Variants in PLAGL1 observed in about 807,000 individuals in gnomAD.
PLAGL1 encodes the protein PLAG1 like zinc finger 1, also known as zinc finger protein PLAGL1.
PLAGL1 carries 1 observed loss-of-function variant against 4.6 expected under a neutral mutation model. The ratio of observed to expected loss-of-function variants is 0.22; its 90% CI spans 0.08 to 1.03. The LOEUF is 1.03. Among genes scored for constraint, PLAGL1 ranks in the 50% least tolerant of loss-of-function variants. PLAGL1 has a pLI of 0.58. For missense variants in PLAGL1, 464 were observed against 570.4 expected, an observed-to-expected ratio of 0.81 and a Z score of 1.90; for synonymous variants, 240 against 237.8, an observed-to-expected ratio of 1.01 and a Z score of -0.08.
intron 1 of PLAGL1, among the ~76,000 whole-genome samples, chr6:143,993,372 T>C (rs752739959): frequency 3.1e-5 from 3 of 97,438 alleles, no homozygotes; most frequent in Admixed American, 9.4e-5. Context: ...ACACACACAA[T>C]TGACATGTGT....
chr6:143,984,681 A>C lies in PLAGL1; in HGVS notation c.-544+454T>G, dbSNP rs2128614782. Among the ~76,000 whole-genome samples the C allele has an allele frequency of 6.6e-6, 1 of 152,316 alleles. No homozygotes were observed. The highest frequency in any genetic ancestry group is 2.1e-4 in the South Asian group (1 of 4,828). On this transcript the variant is annotated intron_variant, in intron 2 of 7. Coordinates refer to ENST00000674357, the MANE Select transcript of PLAGL1 (RefSeq NM_001317162.2). This position sits in a 1 kb window ranked among gnomAD's most constrained non-coding sequence, Gnocchi z 5.5. ...CTCCTGCTAAGATGATGAAAAACAA[A>C]ACCATCTCAGAAAATAACTTCTCAA...
chr6:143,976,725 G>A (rs908299241), intron 2 of PLAGL1, among the ~76,000 whole-genome samples: 36 of 152,286 alleles, frequency 2.4e-4, no homozygotes, highest in African/African-American at 8.4e-4. Flanking sequence ...TCTATCCTAA[G>A]AGCCGGGTTC....
chr6:144,044,968 T>G (rs549382007), intron 1 of PLAGL1, among the ~76,000 whole-genome samples: 1 of 151,234 alleles, frequency 6.6e-6, no homozygotes, highest in African/African-American at 2.4e-5. Context: ...GTTTAAAGTC[T>G]GTTTTATCAG....
chr6:144,042,831 G>T (rs1469082168), intron 1 of PLAGL1, among the ~76,000 whole-genome samples: 4 of 152,154 alleles, frequency 2.6e-5, no homozygotes, highest in Non-Finnish European at 5.9e-5. Flanking sequence ...CCATTTGTTT[G>T]TGTTCTCTTT....
At position 143,941,245 on chromosome 6, in the gene PLAGL1, T is replaced by G; in HGVS notation, c.*179A>C. The stretch of plus-strand genomic sequence containing the variant: ...TAAATTTGGTACAAAGCATGAACAC[T>G]CAGGACAGATTGGCACAATACATGC... On this transcript the variant is annotated 3_prime_UTR_variant, in exon 8 of 8. Transcript: ENST00000674357. This position sits in a 1 kb window ranked among gnomAD's most constrained non-coding sequence, Gnocchi z 6.0. 1 of 501,970 alleles carries G rather than the reference T, an allele frequency of 2.0e-6. No homozygotes were observed. The highest frequency in any genetic ancestry group is 1.9e-5 in the African/African-American group (1 of 51,528). The allele number at this position is 501,970 out of a possible 1,614,324, so 31.1% of individuals were successfully genotyped here. A position where few individuals can be genotyped will look rare whatever the true frequency, so the allele number is the denominator to read the frequency against.
Position 143,957,964 on chromosome 6 carries a change from G to T in PLAGL1, c.-325+2505C>A, listed in dbSNP as rs149733956. 6.6e-6 allele frequency among the ~76,000 whole-genome samples: 1 copy of T among 152,158 alleles called. No homozygotes were observed. The highest frequency in any genetic ancestry group is 2.1e-4 in the South Asian group (1 of 4,828). ...TTAGGCTGAGTCTAGGAGTATACCC[G>T]GTTGACAAATGGAGGAGGCATATTG... On this transcript the variant is annotated intron_variant, in intron 6 of 7. Coordinates refer to ENST00000674357, the MANE Select transcript of PLAGL1 (RefSeq NM_001317162.2). This position sits in a 1 kb window ranked among gnomAD's most constrained non-coding sequence, Gnocchi z 4.2.
intron 1 of PLAGL1, among the ~76,000 whole-genome samples, chr6:144,052,054 A>T (rs1047056084): frequency 2.0e-5 from 3 of 152,218 alleles, no homozygotes; most frequent in Admixed American, 2.0e-4. Flanking sequence ...CATTTTACCA[A>T]ATTAAAACTT....
chr6:144,043,160 C>T (rs1797867608), intron 1 of PLAGL1, among the ~76,000 whole-genome samples: 2 of 152,106 alleles, frequency 1.3e-5, no homozygotes, highest in Non-Finnish European at 2.9e-5. Flanking sequence ...ATTGAATACC[C>T]TTTATTTCTT....
intron 1 of PLAGL1, among the ~76,000 whole-genome samples, chr6:144,031,908 G>T (rs1161630253): frequency 1.3e-5 from 2 of 152,022 alleles, no homozygotes; most frequent in Non-Finnish European, 2.9e-5. Context: ...TATTTTGACA[G>T]GAATTATATT....
chr6:144,036,270 A>G lies in PLAGL1; in HGVS notation c.-151+28198T>C, dbSNP rs566791505. 3.2e-4 allele frequency among the ~76,000 whole-genome samples: 49 copies of G among 152,262 alleles called. No individual in the cohort carries two copies. On this transcript the variant is annotated intron_variant, in intron 1 of 3. Coordinates refer to the PLAGL1 transcript ENST00000437412. The surrounding 1 kb of genome is among the most constrained non-coding windows in gnomAD (Gnocchi z 5.1). ...AGGCTATTTCATCTTTGCCAGTTTC[A>G]TTTTAGGAAACACAAGCCTTATAAC...
chr6:143,972,884 A>C lies in PLAGL1; in HGVS notation c.-543-3906T>G, dbSNP rs1303596131. On this transcript the variant is annotated intron_variant, in intron 2 of 7. Coordinates refer to ENST00000674357, the MANE Select transcript of PLAGL1 (RefSeq NM_001317162.2). The surrounding 1 kb of genome is among the most constrained non-coding windows in gnomAD (Gnocchi z 6.8). ...GGTGGAGAATCAACTTCTACTTAAC[A>C]TCATTTATTATGCAGACCATATTCC... Among the ~76,000 whole-genome samples the C allele has an allele frequency of 6.6e-6, 1 of 152,214 alleles. No homozygotes were observed. Among genetic ancestry groups the C allele is most frequent in the Non-Finnish European group, 1.5e-5 (1 of 68,042 alleles).
chr6:144,037,224 A>G (rs1797306967), intron 1 of PLAGL1: 1 of 153,784 alleles, frequency 6.5e-6, no homozygotes, highest in Non-Finnish European at 1.5e-5. Context: ...AAACAGAGCT[A>G]ATCACTACCT....
rs1193320792 is a variant in PLAGL1, at chr6:143,941,556, C to T, written c.1260G>A (p.Gln420=). ...SLPHRLSCLG[Q]QQQEPPLAMG... ...TGGCAAGTGGGGGTTCTTGCTGCTG[C>T]TGCCCCAGACAGCTTAACCTGTGGG... Residue 420 remains glutamine, a synonymous_variant, in exon 8 of 8, where the codon CAG becomes CAA. Transcript: ENST00000674357. The surrounding 1 kb of genome is among the most constrained non-coding windows in gnomAD (Gnocchi z 6.0). 6.3e-7 allele frequency: 1 copy of T among 1,576,126 alleles called. No homozygotes were observed. Among genetic ancestry groups the T allele is most frequent in the Admixed American group, 1.8e-5 (1 of 56,030 alleles).
At position 144,034,054 on chromosome 6, in the gene PLAGL1, C is replaced by T. The variant is rs957716741; in HGVS notation, c.-151+30414G>A. Among the ~76,000 whole-genome samples, 3 of 152,208 alleles carry T rather than the reference C, an allele frequency of 2.0e-5. No homozygotes were observed. The highest frequency in any genetic ancestry group is 6.5e-5 in the Admixed American group (1 of 15,288). On this transcript the variant is annotated intron_variant, in intron 1 of 3. Transcript: ENST00000437412. This position sits in a 1 kb window ranked among gnomAD's most constrained non-coding sequence, Gnocchi z 4.7. ...TTTACTACACTACAGACATGGTCTC[C>T]ATGTAGTACATATAAAACTGCAGAC...
rs1792690509 is a variant in PLAGL1 at position 144,000,805 on chromosome 6, A to G, written c.-584+7285T>C. On this transcript the variant is annotated intron_variant, in intron 1 of 7. Transcript: ENST00000674357. The surrounding 1 kb of genome is among the most constrained non-coding windows in gnomAD (Gnocchi z 4.1). ...TATGGAGAGCTAGACATTCTAAAAC[A>G]AACCTTTTAATACTTGCAAAGTTCT... is the stretch of plus-strand genomic sequence containing the variant. 6.6e-6 allele frequency among the ~76,000 whole-genome samples: 1 copy of G among 152,122 alleles called. No individual in the cohort carries two copies. The highest frequency in any genetic ancestry group is 2.4e-5 in the African/African-American group (1 of 41,410).
rs908971618 is a variant in PLAGL1 at position 143,973,039 on chromosome 6, A to C, written c.-543-4061T>G. On this transcript the variant is annotated intron_variant, in intron 2 of 7. Coordinates refer to ENST00000674357, the MANE Select transcript of PLAGL1 (RefSeq NM_001317162.2). This position sits in a 1 kb window ranked among gnomAD's most constrained non-coding sequence, Gnocchi z 6.2. ...TGAATTTCCCAATTCCTCTGTGTTA[A>C]ATTGAGGTCTAATTTTCCCTGTGCC... Among the ~76,000 whole-genome samples, 2 of 152,130 alleles carry C rather than the reference A, an allele frequency of 1.3e-5. No homozygotes were observed. The highest frequency in any genetic ancestry group is 4.8e-5 in the African/African-American group (2 of 41,412).
chr6:143,996,258 C>T (rs1032014748), intron 1 of PLAGL1, among the ~76,000 whole-genome samples: 5 of 152,160 alleles, frequency 3.3e-5, no homozygotes, highest in Non-Finnish European at 7.3e-5. Flanking sequence ...TGGGAGAATC[C>T]TATCACAGAG....
rs1297867531 is a variant in PLAGL1, at chr6:144,034,375, G to T, written c.-151+30093C>A. ...AGCCCCCAGGCTGACTGGAAGACGG[G>T]GCTCACTGCACACTCATCCCAAGGG... On this transcript the variant is annotated intron_variant, in intron 1 of 3. Coordinates refer to the PLAGL1 transcript ENST00000437412. The surrounding 1 kb of genome is among the most constrained non-coding windows in gnomAD (Gnocchi z 4.7). 2.0e-5 allele frequency among the ~76,000 whole-genome samples: 3 copies of T among 152,146 alleles called. No homozygotes were observed. The highest frequency in any genetic ancestry group is 7.2e-5 in the African/African-American group (3 of 41,416).
rs796445310 is a variant in PLAGL1 at position 144,042,683 on chromosome 6, T to C, written c.-151+21785A>G. ...CTCTTTTTTGGTTCCATATGAACTT[T>C]AAAGTGGTTTTTTCCAATTCTGTGA... On this transcript the variant is annotated intron_variant, in intron 1 of 3. Coordinates refer to the PLAGL1 transcript ENST00000437412. 9.2e-5 allele frequency among the ~76,000 whole-genome samples: 14 copies of C among 152,354 alleles called. No homozygotes were observed. The South Asian group carries it at 1.0e-3, about 11-fold the overall frequency.
Sources: gnomAD v4.1 joint callset for allele counts (sites outside exome capture counted in the v4.1 genomes callset) on GRCh38, gnomAD v4.1.1 for gene constraint, Gnocchi (gnomAD v3.1) non-coding constraint, MANE v1.5 for transcripts, NCBI Gene and HGNC (gene_info 2026-07-23, HGNC 2026-07-21) for gene names.